Variants in ATP1B1 observed in about 807,000 individuals in gnomAD.
The protein encoded by ATP1B1 is sodium/potassium-transporting ATPase subunit beta-1.
Under a neutral mutation model 39.6 loss-of-function variants are expected in ATP1B1, and 3 were observed. That is an observed-to-expected ratio of 0.08 (90% CI 0.03 to 0.20). ATP1B1 has a LOEUF of 0.20. Among genes scored for constraint, ATP1B1 ranks in the 10% least tolerant of loss-of-function variants. The pLI, the probability that ATP1B1 is intolerant of heterozygous loss-of-function variation, is 1.00. For synonymous variants in ATP1B1, 139 were observed against 135.0 expected, an observed-to-expected ratio of 1.03 and a Z score of -0.20; for missense variants, 216 against 371.1, an observed-to-expected ratio of 0.58 and a Z score of 3.43.
chr1:169,115,434 T>C lies in ATP1B1; in HGVS notation c.226+3936T>C, dbSNP rs565179796. ...CATGATCTTGGCTCACTGCAACCTCTGCCCCCTGGGTTCAAGCGATTCTCC... is the reference window on the plus strand; with the variant it reads ...CATGATCTTGGCTCACTGCAACCTCCGCCCCCTGGGTTCAAGCGATTCTCC... On this transcript the variant is annotated intron_variant, in intron 2 of 5. Transcript: ENST00000367815. Among the ~76,000 whole-genome samples the C allele has an allele frequency of 1.4e-3, 206 of 150,318 alleles. 2 individuals are homozygous for C. Among genetic ancestry groups the C allele is most frequent in the African/African-American group, 4.8e-3 (196 of 40,886 alleles).
intron 3 of ATP1B1, among the ~76,000 whole-genome samples, chr1:169,126,800 T>C (rs536631797): frequency 6.6e-6 from 1 of 152,340 alleles, no homozygotes; most frequent in South Asian, 2.1e-4. Context: ...CTGAAAATTA[T>C]TGACAGTCCT....
chr1:169,127,180 A>C (rs1013851014), intron 3 of ATP1B1, 44 bp from the exon 4 acceptor site: 3 of 1,530,742 alleles, frequency 2.0e-6, no homozygotes, highest in African/African-American at 1.4e-5. Context: ...AGAACTGCTA[A>C]GGGAATTGCT....
At chr1:169,126,773 A>C (rs180914825) in intron 3 of ATP1B1, among the ~76,000 whole-genome samples, 1 of 149,032 alleles carries the variant, frequency 6.7e-6, no homozygotes, top group East Asian at 2.0e-4. Flanking sequence ...AATTCTGACC[A>C]AAAAAAAAAC....
At chr1:169,129,393 T>A (rs1335864706) in intron 4 of ATP1B1, among the ~76,000 whole-genome samples, 2 of 152,208 alleles carry the variant, frequency 1.3e-5, no homozygotes, top group Non-Finnish European at 2.9e-5. Context: ...GTCCTCTGGG[T>A]CCCTTCAGTG....
chr1:169,106,848 A>G lies in ATP1B1; in HGVS notation c.19A>G (p.Lys7Glu), dbSNP rs1473232575. The change falls in exon 1 of 6, where the codon AAG becomes GAG. Residue 7 changes from lysine (K) to glutamate (E), a missense_variant. Coordinates refer to ENST00000367815, the MANE Select transcript of ATP1B1 (RefSeq NM_001677.4). The part of the protein sequence containing the change: MARGKA[K>E]EEGSWKKFIW... ...CATCGCCATGGCCCGCGGGAAAGCC[A>G]AGGAGGAGGGCAGCTGGAAGAAATT... 7 of 1,583,306 alleles carry G rather than the reference A, an allele frequency of 4.4e-6. No homozygotes were observed. Among genetic ancestry groups the G allele is most frequent in the Non-Finnish European group, 6.0e-6 (7 of 1,167,404 alleles).
At chr1:169,116,704 A>G (rs1043504361) in intron 2 of ATP1B1, among the ~76,000 whole-genome samples, 1 of 152,068 alleles carries the variant, frequency 6.6e-6, no homozygotes, top group Non-Finnish European at 1.5e-5. Flanking sequence ...TACAAAACTT[A>G]GCTAGGCGTG....
chr1:169,115,933 A>C (rs1243170379), intron 2 of ATP1B1, among the ~76,000 whole-genome samples: 1 of 152,224 alleles, frequency 6.6e-6, no homozygotes, highest in African/African-American at 2.4e-5. Flanking sequence ...AGACCCCCTT[A>C]GGCAGTCCTG....
intron 2 of ATP1B1, among the ~76,000 whole-genome samples, chr1:169,117,776 G>A (rs1657883175): frequency 1.3e-5 from 2 of 152,236 alleles, no homozygotes; most frequent in Admixed American, 6.5e-5. Flanking sequence ...CAGCTGGTCT[G>A]TCGGATGCAG....
At chr1:169,112,164 CTG>C (rs1199508060) in intron 2 of ATP1B1, among the ~76,000 whole-genome samples, 7 of 152,242 alleles carry the variant, frequency 4.6e-5, no homozygotes, top group African/African-American at 1.7e-4. Context: ...GTTTAATTAA[CTG>C]TCTCTTTTAG....
At chr1:169,127,577 G>C (rs560904254) in intron 4 of ATP1B1, among the ~76,000 whole-genome samples, 169 bp downstream of exon 4, 1 of 152,294 alleles carries the variant, frequency 6.6e-6, no homozygotes, top group East Asian at 1.9e-4. Context: ...AATTCTTGTA[G>C]TTAGGACATT....
At chr1:169,122,357 C>T (rs1047468522) in intron 2 of ATP1B1, among the ~76,000 whole-genome samples, 11 of 152,152 alleles carry the variant, frequency 7.2e-5, no homozygotes, top group African/African-American at 2.7e-4. Flanking sequence ...CCAGGAGTGA[C>T]CCTCCCTACC....
At chr1:169,120,740 T>C (rs1337143750) in intron 2 of ATP1B1, among the ~76,000 whole-genome samples, 1 of 152,238 alleles carries the variant, frequency 6.6e-6, no homozygotes, top group Non-Finnish European at 1.5e-5. Context: ...CTATGCTTAC[T>C]GAAAAATTTG....
rs1265995124 is a variant in ATP1B1, at chr1:169,132,578, G to C, written c.*1023G>C. On this transcript the variant is annotated 3_prime_UTR_variant, in exon 6 of 6. Coordinates refer to ENST00000367815, the MANE Select transcript of ATP1B1 (RefSeq NM_001677.4). Reference sequence around the variant, plus strand: ...TTTGAACTTTATAAAAAGCAATGCAGTACCCCATAGACTGGTGTTAAATGT... The same window carrying C: ...TTTGAACTTTATAAAAAGCAATGCACTACCCCATAGACTGGTGTTAAATGT... 1.3e-5 allele frequency: 6 copies of C among 466,304 alleles called. No homozygotes were observed. Among genetic ancestry groups the C allele is most frequent in the Non-Finnish European group, 2.3e-5 (6 of 265,540 alleles). 28.9% of individuals were successfully genotyped at this position (466,304 alleles called of 1,614,324 possible). A position where few individuals can be genotyped will look rare whatever the true frequency, so the allele number is the denominator to read the frequency against.
chr1:169,120,840 T>A (rs1205196264), intron 2 of ATP1B1, among the ~76,000 whole-genome samples: 1 of 152,222 alleles, frequency 6.6e-6, no homozygotes, highest in Non-Finnish European at 1.5e-5. Flanking sequence ...GCCAATTGTG[T>A]ATATAACTCT....
intron 3 of ATP1B1, among the ~76,000 whole-genome samples, chr1:169,126,669 C>T (rs1406586845): frequency 6.6e-6 from 1 of 152,140 alleles, no homozygotes; most frequent in Admixed American, 6.5e-5. Context: ...CATGATCATG[C>T]TGCCGCACTC....
rs144685960 is a variant in ATP1B1 at position 169,127,363 on chromosome 1, G to A, written c.522G>A (p.Pro174=). Residue 174 remains proline, a synonymous_variant, in exon 4 of 6, where the codon CCG becomes CCA. Coordinates refer to ENST00000367815, the MANE Select transcript of ATP1B1 (RefSeq NM_001677.4). ...DETYGYKEGK[P]CIIIKLNRVL... Reference sequence around the variant, plus strand: ...CTTATGGCTACAAAGAGGGCAAACCGTGCATTATTATAAAGCTCAACCGAG... The same window carrying A: ...CTTATGGCTACAAAGAGGGCAAACCATGCATTATTATAAAGCTCAACCGAG... The A allele has an allele frequency of 7.6e-5, 122 of 1,611,724 alleles. No individual in the cohort carries two copies. The highest frequency in any genetic ancestry group is 1.7e-4 in the African/African-American group (13 of 74,766).
Position 169,131,164 on chromosome 1 carries a change from A to G in ATP1B1, c.649-128A>G, listed in dbSNP as rs577963510. 24 of 1,202,596 alleles carry G rather than the reference A, an allele frequency of 2.0e-5. No individual in the cohort carries two copies. The African/African-American group carries it at 3.2e-4, about 16-fold the overall frequency. 74.5% of individuals were successfully genotyped at this position (1,202,596 alleles called of 1,614,324 possible). A position where few individuals can be genotyped will look rare whatever the true frequency, so the allele number is the denominator to read the frequency against. On this transcript the variant is annotated intron_variant, in intron 5 of 5. Transcript: ENST00000367815. The surrounding 1 kb of genome is among the most constrained non-coding windows in gnomAD (Gnocchi z 4.4). The stretch of plus-strand genomic sequence containing the variant: ...CCATTTCTCAAGGCTGCAATGGAAT[A>G]GACTGAGTAGATGTTCTTTCCTCTC...
chr1:169,106,789 C>T lies in ATP1B1; in HGVS notation c.-41C>T, dbSNP rs772836852. On this transcript the variant is annotated 5_prime_UTR_variant, in exon 1 of 6. Transcript: ENST00000367815. ...GACGCCAGGGCGCGCGCCGCAGCCA[C>T]CCACCCTCCGGACCGCGGCAGCTGC... is the stretch of plus-strand genomic sequence containing the variant. 9.8e-6 allele frequency: 15 copies of T among 1,534,596 alleles called. No individual in the cohort carries two copies. The highest frequency in any genetic ancestry group is 2.3e-4 in the Middle Eastern group (1 of 4,372).
chr1:169,127,348 C>T lies in ATP1B1; in HGVS notation c.507C>T (p.Tyr169=). The T allele has an allele frequency of 6.2e-7, 1 of 1,611,684 alleles. No individual in the cohort carries two copies. The highest frequency in any genetic ancestry group is 8.5e-7 in the Non-Finnish European group (1 of 1,179,372). The change falls in exon 4 of 6, where the codon TAC becomes TAT. Residue 169 remains tyrosine (Y), a synonymous_variant. Transcript: ENST00000367815. ...GATTAAATGATGAAACTTATGGCTA[C>T]AAAGAGGGCAAACCGTGCATTATTA... The part of the protein sequence containing the change: ...CSGLNDETYG[Y]KEGKPCIIIK...
Sources: allele counts gnomAD v4.1 joint callset (sites outside exome capture counted in the v4.1 genomes callset), GRCh38; gene constraint gnomAD v4.1.1; non-coding constraint Gnocchi (gnomAD v3.1); transcripts MANE v1.5; gene names NCBI Gene and HGNC (gene_info 2026-07-23, HGNC 2026-07-21).